The following CASK variants were observed in gnomAD, a reference collection of about 807,000 sequenced individuals.
The protein encoded by CASK is peripheral plasma membrane protein CASK.
CASK carries 4 observed loss-of-function variants against 82.9 expected under a neutral mutation model. That is an observed-to-expected ratio of 0.05 (90% CI 0.02 to 0.11). The LOEUF (loss-of-function observed/expected upper bound fraction) is 0.11, where lower values mean the gene tolerates loss of function less well. Ranked by LOEUF, CASK falls within the 10% of genes least tolerant of loss-of-function variation. CASK has a pLI of 1.00. For synonymous variants in CASK, 259 were observed against 253.5 expected, an observed-to-expected ratio of 1.02 and a Z score of -0.20; for missense variants, 358 against 720.9, an observed-to-expected ratio of 0.50 and a Z score of 5.76.
intron 8 of CASK, among the ~76,000 whole-genome samples, chrX:41,650,349 G>A (rs777090203): frequency 9.0e-6 from 1 of 111,267 alleles, no homozygotes; most frequent in Admixed American, 9.6e-5. Flanking sequence ...TCCTAGCATC[G>A]ATGGTCTTTA....
intron 16 of CASK, among the ~76,000 whole-genome samples, chrX:41,564,133 T>C (rs2065275102): frequency 8.9e-6 from 1 of 111,982 alleles, no homozygotes; most frequent in South Asian, 3.7e-4. Context: ...GGGTAGTTTA[T>C]CATTAGGAAA....
intron 2 of CASK, among the ~76,000 whole-genome samples, chrX:41,848,792 T>C (rs1383300160): frequency 8.9e-6 from 1 of 111,807 alleles, no homozygotes; most frequent in Non-Finnish European, 1.9e-5. Context: ...TCATCGTGAT[T>C]GTGAACTGTT....
At chrX:41,725,493 A>G (rs1299361036) in intron 5 of CASK, among the ~76,000 whole-genome samples, 1 of 111,370 alleles carries the variant, frequency 9.0e-6, no homozygotes, top group Non-Finnish European at 1.9e-5. Flanking sequence ...CTAGATCATG[A>G]AAGAGTGGAG....
chrX:41,920,645 T>C (rs778396896), intron 1 of CASK, among the ~76,000 whole-genome samples: 1 of 111,513 alleles, frequency 9.0e-6, no homozygotes, highest in South Asian at 3.8e-4. Flanking sequence ...AAAAGATGAA[T>C]TTTTTTCTCC....
At chrX:41,759,313 A>G (rs1213633739) in intron 3 of CASK, among the ~76,000 whole-genome samples, 2 of 111,323 alleles carry the variant, frequency 1.8e-5, no homozygotes, top group Non-Finnish European at 3.8e-5. Flanking sequence ...TTTCCCTGTT[A>G]TATTTACTGA....
At chrX:41,631,042 A>G (rs1434020224) in intron 9 of CASK, among the ~76,000 whole-genome samples, 1 of 111,725 alleles carries the variant, frequency 9.0e-6, no homozygotes, top group Non-Finnish European at 1.9e-5. Context: ...TAACCTAAAC[A>G]TAGGTCTAAA....
chrX:41,743,564 C>T, intron 4 of CASK: 2 of 290,525 alleles, frequency 6.9e-6, no homozygotes, highest in East Asian at 9.7e-5. Flanking sequence ...ACACATTGAG[C>T]ATATTCTTTA....
intron 3 of CASK, 36 bp from the exon 4 acceptor site, chrX:41,745,637 G>A: frequency 2.1e-6 from 2 of 941,598 alleles, no homozygotes; most frequent in Non-Finnish European, 3.1e-6. Flanking sequence ...TAAGAAAAGA[G>A]GAAATTCCAG....
intron 21 of CASK, among the ~76,000 whole-genome samples, chrX:41,546,487 A>C (rs188546515): frequency 1.7e-4 from 19 of 112,027 alleles, no homozygotes; most frequent in African/African-American, 5.8e-4. Flanking sequence ...TTATTTTTTA[A>C]GACAGAGTCT....
intron 5 of CASK, among the ~76,000 whole-genome samples, chrX:41,698,366 T>C (rs1387715871): frequency 8.9e-6 from 1 of 112,015 alleles, no homozygotes; most frequent in Non-Finnish European, 1.9e-5. Flanking sequence ...AATTTTCATG[T>C]ACATTAAAAA....
In CASK at chrX:41,910,020, G is replaced by A. The variant is rs1045237897; in HGVS notation, c.59+12910C>T. On this transcript the variant is annotated intron_variant, in intron 1 of 26. Coordinates refer to ENST00000378163, the MANE Select transcript of CASK (RefSeq NM_001367721.1). Reference sequence around the variant, plus strand: ...GCAGATCACCTGAGCTCAGGAGTTTGAGATCAGCCTGGCCAACATGGCAAA... The same window carrying A: ...GCAGATCACCTGAGCTCAGGAGTTTAAGATCAGCCTGGCCAACATGGCAAA... Among the ~76,000 whole-genome samples, 4 of 111,861 alleles carry A rather than the reference G, an allele frequency of 3.6e-5. No individual in the cohort carries two copies. In the South Asian group the frequency reaches 1.5e-3, roughly 42 times the overall value.
intron 2 of CASK, among the ~76,000 whole-genome samples, chrX:41,799,331 G>A (rs1179648243): frequency 8.9e-6 from 1 of 111,982 alleles, no homozygotes; most frequent in Non-Finnish European, 1.9e-5. Flanking sequence ...CTTGAGGCCA[G>A]GAGTTCAAAA....
chrX:41,849,722 T>C (rs1453704673), intron 2 of CASK, among the ~76,000 whole-genome samples: 1 of 112,447 alleles, frequency 8.9e-6, no homozygotes, highest in Admixed American at 9.4e-5. Context: ...ATGATTTTGA[T>C]GGCAAAAGTA....
At chrX:41,811,202 G>T (rs1408487426) in intron 2 of CASK, among the ~76,000 whole-genome samples, 18 of 111,565 alleles carry the variant, frequency 1.6e-4, no homozygotes, top group Non-Finnish European at 3.2e-4. Flanking sequence ...GGATATCCAG[G>T]AATTGAACTC....
intron 1 of CASK, among the ~76,000 whole-genome samples, chrX:41,896,496 C>T (rs968427132): frequency 5.4e-5 from 6 of 111,795 alleles, no homozygotes; most frequent in Non-Finnish European, 1.1e-4. Flanking sequence ...GGACATTAGA[C>T]ATAGCATATA....
chrX:41,700,810 C>T (rs373005128), intron 5 of CASK, among the ~76,000 whole-genome samples: 27 of 106,280 alleles, frequency 2.5e-4, no homozygotes, highest in East Asian at 8.9e-4. Context: ...GAACTCCTGA[C>T]CTCAGGTGAT....
intron 25 of CASK, among the ~76,000 whole-genome samples, chrX:41,526,481 C>T (rs1464953019): frequency 8.9e-6 from 1 of 112,060 alleles, no homozygotes; most frequent in African/African-American, 3.2e-5. Context: ...TTCCAGCTAT[C>T]ACATTACAAC....
intron 8 of CASK, among the ~76,000 whole-genome samples, chrX:41,658,545 T>G (rs1189755577): frequency 8.9e-6 from 1 of 111,778 alleles, no homozygotes; most frequent in Non-Finnish European, 1.9e-5. Flanking sequence ...TGCTGTGTGG[T>G]GTGAGAGCAG....
chrX:41,749,886 C>T (rs111586582), intron 3 of CASK, among the ~76,000 whole-genome samples: 4,303 of 111,250 alleles, frequency 0.039, 102 homozygotes, highest in Non-Finnish European at 0.058. Context: ...TATAGTTTTA[C>T]GATTTTCTTT....
Sources: allele counts gnomAD v4.1 joint callset (sites outside exome capture counted in the v4.1 genomes callset), GRCh38; gene constraint gnomAD v4.1.1; transcripts MANE v1.5; gene names NCBI Gene and HGNC (gene_info 2026-07-23, HGNC 2026-07-21).